The following SCHIP1 variants were observed in gnomAD, a reference collection of about 807,000 sequenced individuals.
The protein encoded by SCHIP1 is schwannomin-interacting protein 1.
Under a neutral mutation model 29.7 loss-of-function variants are expected in SCHIP1, and 8 were observed. The observed-to-expected ratio is 0.27, with a 90% CI of 0.16 to 0.49. The LOEUF (loss-of-function observed/expected upper bound fraction) is 0.49. Among genes scored for constraint, SCHIP1 ranks in the 20% least tolerant of loss-of-function variants. The probability of loss-of-function intolerance (pLI) is 0.99; values close to 1 mark genes in which losing one functional copy is unlikely to be tolerated. For missense variants in SCHIP1, 193 were observed against 294.6 expected (o/e 0.66, Z 2.52); for synonymous variants, 76 against 94.9 (o/e 0.80, Z 1.16).
the SCHIP1 span, among the ~76,000 whole-genome samples, chr3:159,593,141 G>A: frequency 6.6e-6 from 1 of 152,038 alleles, no homozygotes; most frequent in Non-Finnish European, 1.5e-5. Context: ...ACTATTTTAG[G>A]GCTTGTAGAA....
the SCHIP1 span, among the ~76,000 whole-genome samples, chr3:159,662,373 G>A: frequency 3.9e-5 from 6 of 152,234 alleles, no homozygotes; most frequent in South Asian, 4.1e-4. Context: ...TTAAATTTAC[G>A]TTTGAGTACT....
At chr3:159,546,249 A>G in the SCHIP1 span, among the ~76,000 whole-genome samples, 1 of 152,064 alleles carries the variant, frequency 6.6e-6, no homozygotes, top group Non-Finnish European at 1.5e-5. Flanking sequence ...CAAAATATTG[A>G]ATCGAGTGGC....
the SCHIP1 span, among the ~76,000 whole-genome samples, chr3:159,593,782 C>A: frequency 6.6e-6 from 1 of 152,236 alleles, no homozygotes; most frequent in Non-Finnish European, 1.5e-5. Context: ...ATGGAAAAAG[C>A]AGACAGGTTG....
chr3:159,438,541 G>A, the SCHIP1 span, among the ~76,000 whole-genome samples: 1 of 152,082 alleles, frequency 6.6e-6, no homozygotes, highest in African/African-American at 2.4e-5. Context: ...TATTACATAG[G>A]TTAATGTGTG....
the SCHIP1 span, among the ~76,000 whole-genome samples, chr3:159,309,760 C>G: frequency 6.6e-6 from 1 of 152,108 alleles, no homozygotes; most frequent in African/African-American, 2.4e-5. Flanking sequence ...GTTTCAAAAC[C>G]TAAGCTTTAG....
At chr3:159,459,973 A>C in the SCHIP1 span, among the ~76,000 whole-genome samples, 1 of 152,142 alleles carries the variant, frequency 6.6e-6, no homozygotes. Flanking sequence ...ATTATGATAA[A>C]ATGAATGTCT....
the SCHIP1 span, among the ~76,000 whole-genome samples, chr3:159,341,731 T>C: frequency 6.6e-6 from 1 of 152,176 alleles, no homozygotes; most frequent in Non-Finnish European, 1.5e-5. Context: ...TTATTTAAAC[T>C]TTTTGCTTGT....
the SCHIP1 span, among the ~76,000 whole-genome samples, chr3:159,462,315 G>T: frequency 6.6e-6 from 1 of 152,030 alleles, no homozygotes; most frequent in Non-Finnish European, 1.5e-5. Flanking sequence ...CCTCTCTCTG[G>T]GCACCATTGC....
chr3:159,891,578 T>C (rs892893797), intron 5 of SCHIP1, among the ~76,000 whole-genome samples: 6 of 152,224 alleles, frequency 3.9e-5, no homozygotes, highest in African/African-American at 1.4e-4. Flanking sequence ...TTCCAATATC[T>C]TCAGATAATA....
At chr3:159,396,125 A>G in the SCHIP1 span, among the ~76,000 whole-genome samples, 2 of 136,264 alleles carry the variant, frequency 1.5e-5, no homozygotes, top group East Asian at 2.3e-4. Context: ...CTGTTTTATC[A>G]GAGACTAGGA....
the SCHIP1 span, among the ~76,000 whole-genome samples, chr3:159,293,280 A>G: frequency 6.6e-6 from 1 of 152,220 alleles, no homozygotes; most frequent in Non-Finnish European, 1.5e-5. Flanking sequence ...ATGGCCCAAG[A>G]TCTGCCCAGC....
chr3:159,688,662 A>G, the SCHIP1 span, among the ~76,000 whole-genome samples: 3 of 152,120 alleles, frequency 2.0e-5, no homozygotes, highest in African/African-American at 7.2e-5. Context: ...TTAGTCATGA[A>G]GTCTTTGCCC....
At chr3:159,447,813 T>C in the SCHIP1 span, among the ~76,000 whole-genome samples, 1 of 152,196 alleles carries the variant, frequency 6.6e-6, no homozygotes, top group Non-Finnish European at 1.5e-5. Context: ...CCCAGTACCT[T>C]CTTCTCCTAA....
chr3:159,548,725 G>T, the SCHIP1 span, among the ~76,000 whole-genome samples: 1 of 151,510 alleles, frequency 6.6e-6, no homozygotes, highest in African/African-American at 2.4e-5. Flanking sequence ...TTTAGTTCTG[G>T]AAGTCCATTA....
the SCHIP1 span, among the ~76,000 whole-genome samples, chr3:159,437,097 C>A: frequency 1.8e-3 from 269 of 152,226 alleles, no homozygotes; most frequent in Middle Eastern, 6.8e-3. Flanking sequence ...TGATACTCTC[C>A]ATTGTCTAAG....
the SCHIP1 span, among the ~76,000 whole-genome samples, chr3:159,345,728 T>C: frequency 6.6e-6 from 1 of 152,084 alleles, no homozygotes; most frequent in African/African-American, 2.4e-5. Context: ...GCAAAAGAAA[T>C]CTGTATGTAT....
the SCHIP1 span, among the ~76,000 whole-genome samples, chr3:159,621,133 C>T: frequency 4.6e-5 from 7 of 152,164 alleles, no homozygotes; most frequent in African/African-American, 1.7e-4. Flanking sequence ...TGATGTGGTA[C>T]CATATCACTG....
chr3:159,380,780 G>A, the SCHIP1 span, among the ~76,000 whole-genome samples: 1 of 152,152 alleles, frequency 6.6e-6, no homozygotes, highest in South Asian at 2.1e-4. Flanking sequence ...CTTTTTCAGT[G>A]CCACATAGCT....
chr3:159,349,856 G>C, the SCHIP1 span, among the ~76,000 whole-genome samples: 1 of 152,132 alleles, frequency 6.6e-6, no homozygotes, highest in Non-Finnish European at 1.5e-5. Flanking sequence ...GAACTTTCTA[G>C]AAAATGAATC....
Sources: allele counts gnomAD v4.1 joint callset (sites outside exome capture counted in the v4.1 genomes callset), GRCh38; gene constraint gnomAD v4.1.1; transcripts MANE v1.5; gene names NCBI Gene and HGNC (gene_info 2026-07-23, HGNC 2026-07-21).